ACBD3: variants seen among roughly 807,000 people sequenced by gnomAD.
ACBD3 encodes the protein Golgi resident protein GCP60.
Under a neutral mutation model 66.9 loss-of-function variants are expected in ACBD3, and 30 were observed. The ratio of observed to expected loss-of-function variants is 0.45; its 90% CI spans 0.34 to 0.61. ACBD3 has a LOEUF of 0.61. ACBD3 is among the 20% of genes least tolerant of loss of function. The probability of loss-of-function intolerance (pLI) is 0.02; values close to 1 mark genes in which losing one functional copy is unlikely to be tolerated. For missense variants in ACBD3, 544 were observed against 664.5 expected (o/e 0.82, Z 1.99); for synonymous variants, 278 against 259.8 (o/e 1.07, Z -0.68).
chr1:226,168,814 C>CTAT (rs1388730899), intron 1 of ACBD3, among the ~76,000 whole-genome samples: 3 of 89,440 alleles, frequency 3.4e-5, no homozygotes, highest in Non-Finnish European at 6.9e-5. Flanking sequence ...TTTTCTTACA[C>CTAT]TACGTCACAG....
In ACBD3 at chr1:226,178,554, G is replaced by A. The variant is rs573805657; in HGVS notation, c.286+7836C>T. ...TGCGCCACTGCACTCCATCCTGGGC[G>A]ACAGAGCAAGACTCCGTCTCAAAAA... On this transcript the variant is annotated intron_variant, in intron 1 of 7. Coordinates refer to ENST00000366812, the MANE Select transcript of ACBD3 (RefSeq NM_022735.4). Among the ~76,000 whole-genome samples, 47 of 110,636 alleles carry A rather than the reference G, an allele frequency of 4.2e-4. 1 individual carries two copies. The South Asian group carries it at 0.014, about 32-fold the overall frequency. The allele number at this position is 110,636 out of a possible 152,430, so 72.6% of individuals were successfully genotyped here. A position where few individuals can be genotyped will look rare whatever the true frequency, so the allele number is the denominator to read the frequency against.
Position 226,186,417 on chromosome 1 carries a change from A to G in ACBD3, c.259T>C (p.Tyr87His). ...QRWGFGLEEL[Y>H]GLALRFFKEK... is the part of the protein sequence containing the mutation. The stretch of plus-strand genomic sequence containing the variant: ...TTGAAGAAGCGCAGTGCCAGGCCGT[A>G]CAACTCCTCCAGGCCGAAACCCCAG... The change falls in exon 1 of 8, where the codon TAC (tyrosine) becomes CAC (histidine). Residue 87 changes from tyrosine (Y) to histidine (H), a missense_variant. Coordinates refer to ENST00000366812, the MANE Select transcript of ACBD3 (RefSeq NM_022735.4). The G allele has an allele frequency of 6.6e-7, 1 of 1,524,678 alleles. No homozygotes were observed. 94.4% of individuals were successfully genotyped at this position (1,524,678 alleles called of 1,614,324 possible). A position where few individuals can be genotyped will look rare whatever the true frequency, so the allele number is the denominator to read the frequency against.
At position 226,150,095 on chromosome 1, in the gene ACBD3, C is replaced by G. The variant is rs1422625434; in HGVS notation, c.1375+2240G>C. Among the ~76,000 whole-genome samples the G allele has an allele frequency of 5.5e-5, 8 of 144,976 alleles. No homozygotes were observed. In the Admixed American group the frequency reaches 5.6e-4, roughly 10 times the overall value. ...TTTTAGAGGGAGGGCCTAGCTCTGT[C>G]GCTCGGGCTGGAATGCAGTGGTGTG... is the stretch of plus-strand genomic sequence containing the variant. On this transcript the variant is annotated intron_variant, in intron 7 of 7. Coordinates refer to ENST00000366812, the MANE Select transcript of ACBD3 (RefSeq NM_022735.4).
At chr1:226,170,552 A>G (rs1659974246) in intron 1 of ACBD3, among the ~76,000 whole-genome samples, 2 of 151,976 alleles carry the variant, frequency 1.3e-5, no homozygotes, top group South Asian at 4.1e-4. Context: ...CATGGAAACT[A>G]TTCACCTGAA....
intron 7 of ACBD3, among the ~76,000 whole-genome samples, chr1:226,148,792 G>A (rs1237871887): frequency 6.6e-6 from 1 of 152,164 alleles, no homozygotes; most frequent in Non-Finnish European, 1.5e-5. Context: ...TGAAATACAA[G>A]ACACGGTAGG....
intron 5 of ACBD3, among the ~76,000 whole-genome samples, chr1:226,157,411 G>T (rs751760239): frequency 6.6e-6 from 1 of 152,052 alleles, no homozygotes; most frequent in Non-Finnish European, 1.5e-5. Flanking sequence ...GGCTAATTTT[G>T]TATTTTTAAT....
chr1:226,171,615 G>A (rs911686144), intron 1 of ACBD3, among the ~76,000 whole-genome samples: 3 of 151,896 alleles, frequency 2.0e-5, no homozygotes, highest in Non-Finnish European at 4.4e-5. Flanking sequence ...TCGGCTCACT[G>A]CAACTTCTGC....
chr1:226,183,986 T>G (rs1285504108), intron 1 of ACBD3, among the ~76,000 whole-genome samples: 1 of 144,088 alleles, frequency 6.9e-6, no homozygotes, highest in Non-Finnish European at 1.5e-5. Context: ...GGTCAGGAAA[T>G]CGAGACCATC....
chr1:226,144,775 A>C lies in ACBD3; in HGVS notation c.*1835T>G, dbSNP rs1169510921. 6.6e-6 allele frequency: 1 copy of C among 152,656 alleles called. No individual in the cohort carries two copies. The highest frequency in any genetic ancestry group is 1.5e-5 in the Non-Finnish European group (1 of 68,044). The allele number at this position is 152,656 out of a possible 1,614,324, so 9.5% of individuals were successfully genotyped here. On this transcript the variant is annotated 3_prime_UTR_variant, in exon 8 of 8. Transcript: ENST00000366812. Reference sequence around the variant, plus strand: ...CTAATCAACAGCCAAAGGCAATAAGAAAGTTTAAAACCAAAAATATTCTGA... The same window carrying C: ...CTAATCAACAGCCAAAGGCAATAAGCAAGTTTAAAACCAAAAATATTCTGA...
intron 1 of ACBD3, among the ~76,000 whole-genome samples, chr1:226,176,925 GT>G (rs1656048286): frequency 6.6e-6 from 1 of 152,096 alleles, no homozygotes; most frequent in Non-Finnish European, 1.5e-5. Flanking sequence ...GTTAGAAATT[GT>G]TTATTAACTG....
chr1:226,183,142 CCA>C (rs1303496658), intron 1 of ACBD3, among the ~76,000 whole-genome samples: 6 of 152,054 alleles, frequency 3.9e-5, no homozygotes, highest in African/African-American at 1.4e-4. Flanking sequence ...CGTATTTATT[CCA>C]CAGTGGAAGA....
intron 1 of ACBD3, among the ~76,000 whole-genome samples, chr1:226,171,479 C>T (rs900110097): frequency 2.0e-5 from 3 of 151,466 alleles, no homozygotes; most frequent in Non-Finnish European, 4.4e-5. Flanking sequence ...GTTATTTTAA[C>T]GTCTGCCCTT....
At chr1:226,167,627 T>G (rs569577907) in intron 1 of ACBD3, among the ~76,000 whole-genome samples, 2 of 152,296 alleles carry the variant, frequency 1.3e-5, no homozygotes, top group East Asian at 3.9e-4. Flanking sequence ...TAACTACTGG[T>G]TGATTCCAAT....
At chr1:226,183,279 G>T (rs367610189) in intron 1 of ACBD3, among the ~76,000 whole-genome samples, 62 of 152,222 alleles carry the variant, frequency 4.1e-4, no homozygotes, top group African/African-American at 1.4e-3. Context: ...GGGTTCAAGT[G>T]ATTCTCCTGC....
intron 7 of ACBD3, among the ~76,000 whole-genome samples, chr1:226,147,641 G>C (rs1659481401): frequency 6.6e-6 from 1 of 152,166 alleles, no homozygotes; most frequent in Admixed American, 6.5e-5. Flanking sequence ...AATCATAGTA[G>C]AGAGATAGGC....
chr1:226,172,155 CA>C (rs779380166), intron 1 of ACBD3, among the ~76,000 whole-genome samples: 4 of 43,230 alleles, frequency 9.3e-5, no homozygotes, highest in African/African-American at 1.6e-4. Context: ...AACTCCATCT[CA>C]AAAAAAAAAA....
chr1:226,186,476 C>T lies in ACBD3; in HGVS notation c.200G>A (p.Gly67Asp). Residue 67 changes from glycine to aspartate, a missense_variant, in exon 1 of 8, where the codon GGC (glycine) becomes GAC (aspartate). Gly to Asp is a moderately conservative substitution (Grantham distance 94). Coordinates refer to ENST00000366812, the MANE Select transcript of ACBD3 (RefSeq NM_022735.4). ...QPEPGEAAAG[G>D]AAEEARRLEQ... ...CAGCCGCCGCGCCTCCTCCGCCGCG[C>T]CCCCAGCCGCCGCCTCCCCGGGCTC... The T allele has an allele frequency of 2.0e-6, 3 of 1,492,584 alleles. No homozygotes were observed. The highest frequency in any genetic ancestry group is 2.7e-6 in the Non-Finnish European group (3 of 1,123,322). 92.5% of individuals were successfully genotyped at this position (1,492,584 alleles called of 1,614,324 possible). A position where few individuals can be genotyped will look rare whatever the true frequency, so the allele number is the denominator to read the frequency against.
intron 3 of ACBD3, 79 bp downstream of exon 3, chr1:226,164,710 G>A (rs1057010696): frequency 1.4e-6 from 2 of 1,440,450 alleles, no homozygotes; most frequent in Admixed American, 4.9e-5. Flanking sequence ...TCTAGAACTA[G>A]AACAGACACT....
rs1369954529 is a variant in ACBD3, at chr1:226,144,796, T to G, written c.*1814A>C. ...TAAGAAAGTTTAAAACCAAAAATATTCTGACATGAACACATGACAGGAACC... is the reference window on the plus strand; with the variant it reads ...TAAGAAAGTTTAAAACCAAAAATATGCTGACATGAACACATGACAGGAACC... On this transcript the variant is annotated 3_prime_UTR_variant, in exon 8 of 8. Transcript: ENST00000366812. The G allele has an allele frequency of 6.6e-6, 1 of 152,556 alleles. No individual in the cohort carries two copies. Among genetic ancestry groups the G allele is most frequent in the Non-Finnish European group, 1.5e-5 (1 of 68,018 alleles). 9.5% of individuals were successfully genotyped at this position (152,556 alleles called of 1,614,324 possible). A position where few individuals can be genotyped will look rare whatever the true frequency, so the allele number is the denominator to read the frequency against.
Sources: allele counts gnomAD v4.1 joint callset (sites outside exome capture counted in the v4.1 genomes callset), GRCh38; gene constraint gnomAD v4.1.1; transcripts MANE v1.5; gene names NCBI Gene and HGNC (gene_info 2026-07-23, HGNC 2026-07-21).